TRPM6: variants seen among roughly 807,000 people sequenced by gnomAD.
TRPM6 encodes the protein channel kinase 2.
Under a neutral mutation model 247.6 loss-of-function variants are expected in TRPM6, and 111 were observed. The ratio of observed to expected loss-of-function variants is 0.45; its 90% CI spans 0.38 to 0.52. The LOEUF (loss-of-function observed/expected upper bound fraction) is 0.52. Among genes scored for constraint, TRPM6 ranks in the 20% least tolerant of loss-of-function variants. The pLI is 0.00. For missense variants in TRPM6, 2,126 were observed against 2,421.5 expected (o/e 0.88, Z 2.56); for synonymous variants, 892 against 853.8 (o/e 1.04, Z -0.78).
intron 3 of TRPM6, among the ~76,000 whole-genome samples, 164 bp downstream of exon 3, chr9:74,855,363 C>G (rs377355227): frequency 6.6e-6 from 1 of 152,150 alleles, no homozygotes; most frequent in African/African-American, 2.4e-5. Context: ...CTATTACGTT[C>G]GAATACTCAC....
At chr9:74,729,489 C>A (rs780034885) in intron 37 of TRPM6, among the ~76,000 whole-genome samples, 2 of 152,046 alleles carry the variant, frequency 1.3e-5, no homozygotes, top group African/African-American at 4.8e-5. Flanking sequence ...TGCTCCGAGG[C>A]GAGTAGGTGG....
intron 25 of TRPM6, among the ~76,000 whole-genome samples, chr9:74,766,882 C>T (rs1826844549): frequency 6.6e-6 from 1 of 152,106 alleles, no homozygotes; most frequent in African/African-American, 2.4e-5. Context: ...TGCACTCCAG[C>T]CTAGGCAACA....
chr9:74,746,392 G>T (rs1281670510), intron 31 of TRPM6, among the ~76,000 whole-genome samples: 1 of 152,216 alleles, frequency 6.6e-6, no homozygotes, highest in Non-Finnish European at 1.5e-5. Context: ...GGAGGATAGA[G>T]TTGCCATTTC....
At chr9:74,772,603 G>A (rs1239749251) in intron 24 of TRPM6, among the ~76,000 whole-genome samples, 1 of 152,220 alleles carries the variant, frequency 6.6e-6, no homozygotes, top group Non-Finnish European at 1.5e-5. Context: ...AGCTACTCAG[G>A]AGGCTGAGGC....
At position 74,782,685 on chromosome 9, in the gene TRPM6, T is replaced by C. The variant is rs1041902220; in HGVS notation, c.3088A>G (p.Ile1030Val). Residue 1030 changes from isoleucine to valine, a missense_variant, in exon 22 of 39, where the codon ATA becomes GTA. Ile to Val is a conservative substitution (Grantham distance 29). Coordinates refer to ENST00000360774, the MANE Select transcript of TRPM6 (RefSeq NM_017662.5). ...GGTAAAATCCCATACACACCATCTA[T>C]TTCTCCAGCATAGACTTCTCCGTAT... ...MIYGEVYAGE[I>V]DVCSSQPSCP... 2 of 1,614,170 alleles carry C rather than the reference T, an allele frequency of 1.2e-6. No homozygotes were observed. Among genetic ancestry groups the C allele is most frequent in the African/African-American group, 1.3e-5 (1 of 75,040 alleles).
In TRPM6 at chr9:74,799,513, C is replaced by T. The variant is rs550733400; in HGVS notation, c.2238+741G>A. 1.1e-4 allele frequency among the ~76,000 whole-genome samples: 16 copies of T among 149,668 alleles called. 1 individual carries two copies. In the South Asian group the frequency reaches 3.4e-3, roughly 32 times the overall value. On this transcript the variant is annotated intron_variant, in intron 17 of 38. Transcript: ENST00000360774. Reference sequence around the variant, plus strand: ...TGTATTGGAGGGCAGCCTTATGAAACAGTCACTTATTCTCTCAAAAAAAAA... The same window carrying T: ...TGTATTGGAGGGCAGCCTTATGAAATAGTCACTTATTCTCTCAAAAAAAAA...
chr9:74,768,182 T>G (rs1482841919), intron 25 of TRPM6, among the ~76,000 whole-genome samples: 1 of 152,188 alleles, frequency 6.6e-6, no homozygotes, highest in Non-Finnish European at 1.5e-5. Context: ...ACCGCCTTCT[T>G]CTAGTTCTCT....
chr9:74,860,420 G>A (rs950243718), intron 1 of TRPM6, among the ~76,000 whole-genome samples: 3 of 151,894 alleles, frequency 2.0e-5, no homozygotes, highest in African/African-American at 4.8e-5. Context: ...GCAATCTGGC[G>A]CAATCTCGGC....
rs2027026 is a variant in TRPM6 at position 74,772,022 on chromosome 9, T to C, written c.3404-187A>G. On this transcript the variant is annotated intron_variant, in intron 24 of 38. Coordinates refer to ENST00000360774, the MANE Select transcript of TRPM6 (RefSeq NM_017662.5). ...AACAACTGGGAGCTGGGCGCAGTGG[T>C]TCACGCTTGTAATCCCAACACTTTT... Among the ~76,000 whole-genome samples the C allele has an allele frequency of 0.57, 87,142 of 152,160 alleles. 26,946 individuals carry two copies. Among genetic ancestry groups the C allele is most frequent in the African/African-American group, 0.82 (33,870 of 41,538 alleles).
intron 1 of TRPM6, among the ~76,000 whole-genome samples, chr9:74,873,844 G>A (rs907993562): frequency 6.6e-6 from 1 of 151,662 alleles, no homozygotes. Context: ...TTAGGGTAGG[G>A]TACAGACAAG....
intron 2 of TRPM6, among the ~76,000 whole-genome samples, 168 bp from the exon 3 acceptor site, chr9:74,855,733 A>G (rs1195447576): frequency 6.6e-6 from 1 of 152,212 alleles, no homozygotes; most frequent in African/African-American, 2.4e-5. Context: ...ACATATAATT[A>G]CTGCAGCAAC....
chr9:74,762,770 G>A lies in TRPM6; in HGVS notation c.3901C>T (p.Leu1301Phe). Residue 1301 changes from leucine (L) to phenylalanine (F), a missense_variant, in exon 26 of 39, where the codon CTT (leucine) becomes TTT (phenylalanine). By Grantham distance (22) the Leu-to-Phe change is conservative (BLOSUM62 0). This residue lies in a region of TRPM6 where 717 missense variants were observed against 715.9 expected (regional missense o/e 1.00). Transcript: ENST00000360774. Reference protein sequence around the residue: ...HPPRVQRGALLEITNSKREAT... With the variant: ...HPPRVQRGALFEITNSKREAT... ...TCTCTTTTACTGTTTGTAATCTCAA[G>A]AAGTGCCCCCCTCTGCACTCTTGGG... 1 of 1,614,096 alleles carries A rather than the reference G, an allele frequency of 6.2e-7. No homozygotes were observed. The highest frequency in any genetic ancestry group is 8.5e-7 in the Non-Finnish European group (1 of 1,180,028).
intron 18 of TRPM6, among the ~76,000 whole-genome samples, chr9:74,796,408 T>C (rs922299897): frequency 3.9e-5 from 6 of 152,186 alleles, no homozygotes; most frequent in African/African-American, 1.4e-4. Context: ...ATTAATAAAT[T>C]GGTATATGGC....
intron 1 of TRPM6, among the ~76,000 whole-genome samples, chr9:74,863,657 CT>C (rs1830755708): frequency 6.6e-6 from 1 of 152,176 alleles, no homozygotes. Flanking sequence ...TCTCGGCTCA[CT>C]GCGAGCTCCG....
intron 12 of TRPM6, among the ~76,000 whole-genome samples, chr9:74,812,058 T>A (rs985466024): frequency 7.2e-5 from 11 of 152,342 alleles, no homozygotes; most frequent in Admixed American, 3.3e-4. Flanking sequence ...GGTGCCTTCA[T>A]GTCAGGAAGG....
chr9:74,785,197 G>A (rs534130324), intron 21 of TRPM6, among the ~76,000 whole-genome samples: 49 of 152,260 alleles, frequency 3.2e-4, no homozygotes, highest in Non-Finnish European at 1.5e-5. Flanking sequence ...CAGGCGTGAT[G>A]GTGCATGCCT....
At chr9:74,785,267 T>C (rs536580696) in intron 21 of TRPM6, among the ~76,000 whole-genome samples, 1 of 152,146 alleles carries the variant, frequency 6.6e-6, no homozygotes, top group Admixed American at 6.5e-5. Flanking sequence ...ACAGTTCAAA[T>C]CTAGCCTGCA....
At chr9:74,792,865 G>A (rs941771231) in intron 18 of TRPM6, 95 bp from the exon 19 acceptor site, 1 of 1,257,896 alleles carries the variant, frequency 7.9e-7, no homozygotes, top group African/African-American at 1.5e-5. Context: ...TAATATATTA[G>A]AAATTAGTTG....
intron 5 of TRPM6, among the ~76,000 whole-genome samples, chr9:74,837,839 T>A (rs564177746): frequency 1.4e-5 from 2 of 147,596 alleles, no homozygotes; most frequent in African/African-American, 5.0e-5. Context: ...AGCCTTGACC[T>A]CCCAGGCTCA....
Sources: gnomAD v4.1 joint callset for allele counts (sites outside exome capture counted in the v4.1 genomes callset) on GRCh38, gnomAD v4.1.1 for gene constraint, gnomAD v4.1.1 regional missense constraint, MANE v1.5 for transcripts, NCBI Gene and HGNC (gene_info 2026-07-23, HGNC 2026-07-21) for gene names.